CERS6: variants seen among roughly 807,000 people sequenced by gnomAD.
CERS6 encodes LAG1 homolog, ceramide synthase 6.
CERS6 carries 26 observed loss-of-function variants against 56.8 expected under a neutral mutation model. The observed-to-expected ratio is 0.46, with a 90% confidence interval of 0.34 to 0.63. The LOEUF (loss-of-function observed/expected upper bound fraction) is 0.63, where lower values mean the gene tolerates loss of function less well. Among genes scored for constraint, CERS6 ranks in the 30% least tolerant of loss-of-function variants. The pLI is 0.01. For missense variants in CERS6, 415 were observed against 467.5 expected, an observed-to-expected ratio of 0.89 and a Z score of 1.04; for synonymous variants, 164 against 173.3, an observed-to-expected ratio of 0.95 and a Z score of 0.42.
At chr2:168,746,817 ATATAAAATC>A (rs1684118063) in intron 8 of CERS6, among the ~76,000 whole-genome samples, 2 of 107,112 alleles carry the variant, frequency 1.9e-5, no homozygotes, top group South Asian at 3.0e-4. Flanking sequence ...ATATATATAT[ATATAAAATC>A]ATCTTTGAAA....
intron 1 of CERS6, among the ~76,000 whole-genome samples, chr2:168,514,458 C>A (rs1162194032): frequency 1.3e-5 from 2 of 152,226 alleles, no homozygotes; most frequent in South Asian, 2.1e-4. Flanking sequence ...AGGTGAGATA[C>A]ATGCTGTCAG....
At chr2:168,731,265 C>T (rs1344575471) in intron 8 of CERS6, among the ~76,000 whole-genome samples, 1 of 152,102 alleles carries the variant, frequency 6.6e-6, no homozygotes, top group East Asian at 1.9e-4. Flanking sequence ...GAGCCTCCTA[C>T]CTGCTAATTC....
intron 4 of CERS6, among the ~76,000 whole-genome samples, chr2:168,679,251 A>G (rs889061164): frequency 6.6e-6 from 1 of 152,194 alleles, no homozygotes; most frequent in African/African-American, 2.4e-5. Context: ...CTGGGGCTCT[A>G]TTGCAAAATA....
intron 3 of CERS6, 88 bp downstream of exon 3, chr2:168,561,410 A>T: frequency 6.9e-7 from 1 of 1,445,522 alleles, no homozygotes. Flanking sequence ...TGCAGGCTTC[A>T]GCAGCCCTTA....
chr2:168,503,033 G>T (rs968889230), intron 1 of CERS6, among the ~76,000 whole-genome samples: 1 of 152,148 alleles, frequency 6.6e-6, no homozygotes, highest in African/African-American at 2.4e-5. Context: ...GAGTGACCTG[G>T]CGGGAGGGGA....
At chr2:168,680,368 A>C (rs1686181704) in intron 4 of CERS6, among the ~76,000 whole-genome samples, 2 of 152,226 alleles carry the variant, frequency 1.3e-5, no homozygotes, top group South Asian at 4.1e-4. Context: ...TCATCTGGAG[A>C]ATAATGCAAG....
intron 4 of CERS6, among the ~76,000 whole-genome samples, chr2:168,672,566 C>A (rs545572502): frequency 3.3e-5 from 5 of 152,332 alleles, no homozygotes; most frequent in African/African-American, 1.2e-4. Flanking sequence ...CAGTGGTAGA[C>A]TGTGGCTACT....
intron 6 of CERS6, among the ~76,000 whole-genome samples, chr2:168,705,110 T>C (rs1686905982): frequency 6.6e-6 from 1 of 152,218 alleles, no homozygotes; most frequent in East Asian, 1.9e-4. Flanking sequence ...GATTCAGAGC[T>C]GGCTTAGCCC....
At chr2:168,769,013 A>G (rs1684797961) in intron 9 of CERS6, among the ~76,000 whole-genome samples, 1 of 152,164 alleles carries the variant, frequency 6.6e-6, no homozygotes, top group Non-Finnish European at 1.5e-5. Flanking sequence ...AAAAATAGAA[A>G]TGTAATCATA....
At chr2:168,628,066 G>C (rs1417983546) in intron 3 of CERS6, among the ~76,000 whole-genome samples, 1 of 151,956 alleles carries the variant, frequency 6.6e-6, no homozygotes, top group East Asian at 1.9e-4. Flanking sequence ...TTGTTTCAAG[G>C]GGTCATATCT....
At chr2:168,493,775 A>C (rs894399543) in intron 1 of CERS6, among the ~76,000 whole-genome samples, 1 of 152,024 alleles carries the variant, frequency 6.6e-6, no homozygotes, top group African/African-American at 2.4e-5. Flanking sequence ...TGAGACACCC[A>C]CATAAATACA....
At chr2:168,749,896 G>A (rs367745815) in intron 8 of CERS6, among the ~76,000 whole-genome samples, 105 of 152,358 alleles carry the variant, frequency 6.9e-4, no homozygotes, top group African/African-American at 2.4e-3. Flanking sequence ...TTACCCACTA[G>A]GCAGAGAGTA....
chr2:168,694,622 C>A (rs575397703), intron 5 of CERS6, among the ~76,000 whole-genome samples: 43 of 152,174 alleles, frequency 2.8e-4, no homozygotes, highest in African/African-American at 9.9e-4. Flanking sequence ...TATTCTTTGT[C>A]TGTATTAGAA....
chr2:168,637,043 A>G (rs1684876574), intron 4 of CERS6, among the ~76,000 whole-genome samples: 1 of 152,216 alleles, frequency 6.6e-6, no homozygotes, highest in Non-Finnish European at 1.5e-5. Flanking sequence ...CTCATATCCC[A>G]TAATTCAGTA....
chr2:168,557,080 C>A (rs983801063), intron 2 of CERS6, among the ~76,000 whole-genome samples: 6 of 151,424 alleles, frequency 4.0e-5, no homozygotes, highest in Non-Finnish European at 8.8e-5. Flanking sequence ...GGGAGGATCA[C>A]CTGAGCATGG....
intron 1 of CERS6, among the ~76,000 whole-genome samples, chr2:168,535,513 T>C (rs1376270819): frequency 6.6e-6 from 1 of 152,066 alleles, no homozygotes; most frequent in Non-Finnish European, 1.5e-5. Context: ...CCGTGGATCA[T>C]GCCAGCCTCC....
At chr2:168,507,377 C>T (rs1341849639) in intron 1 of CERS6, among the ~76,000 whole-genome samples, 3 of 152,128 alleles carry the variant, frequency 2.0e-5, no homozygotes, top group South Asian at 2.1e-4. Flanking sequence ...TAGTCTTTCT[C>T]TGTCTTTTGT....
chr2:168,652,728 C>T (rs2105319057), intron 4 of CERS6, among the ~76,000 whole-genome samples: 1 of 151,946 alleles, frequency 6.6e-6, no homozygotes, highest in South Asian at 2.1e-4. Flanking sequence ...ATAGTAACAA[C>T]AAAAACATCC....
At chr2:168,657,014 G>C (rs1215359939) in intron 4 of CERS6, among the ~76,000 whole-genome samples, 1 of 152,132 alleles carries the variant, frequency 6.6e-6, no homozygotes, top group East Asian at 1.9e-4. Flanking sequence ...CTAAACACAG[G>C]GTGCTGATTG....
Sources: gnomAD v4.1 joint callset for allele counts (sites outside exome capture counted in the v4.1 genomes callset) on GRCh38, gnomAD v4.1.1 for gene constraint, MANE v1.5 for transcripts, NCBI Gene and HGNC (gene_info 2026-07-23, HGNC 2026-07-21) for gene names.